Variants in RALGAPA2 observed in about 807,000 individuals in gnomAD.
RALGAPA2 encodes the protein ral GTPase-activating protein subunit alpha-2.
Under a neutral mutation model 230.4 loss-of-function variants are expected in RALGAPA2, and 139 were observed. The ratio of observed to expected loss-of-function variants is 0.60; its 90% CI spans 0.53 to 0.69. The LOEUF (loss-of-function observed/expected upper bound fraction) is 0.69. Ranked by LOEUF, RALGAPA2 falls within the 30% of genes least tolerant of loss-of-function variation. RALGAPA2 has a pLI of 0.00. For missense variants in RALGAPA2, 2,163 were observed against 2,276.0 expected (o/e 0.95, Z 1.01); for synonymous variants, 847 against 837.8 (o/e 1.01, Z -0.19).
At chr20:20,581,046 T>C (rs1337549106) in intron 20 of RALGAPA2, among the ~76,000 whole-genome samples, 1 of 152,218 alleles carries the variant, frequency 6.6e-6, no homozygotes, top group East Asian at 1.9e-4. Context: ...TTACAGTTTG[T>C]CCTTTTCACA....
At chr20:20,557,837 G>A (rs1466687255) in intron 23 of RALGAPA2, among the ~76,000 whole-genome samples, 5 of 151,992 alleles carry the variant, frequency 3.3e-5, no homozygotes, top group Non-Finnish European at 2.9e-5. Flanking sequence ...CACGGAGAAC[G>A]GCATCAATCA....
chr20:20,402,717 C>T (rs1050331146), intron 38 of RALGAPA2, among the ~76,000 whole-genome samples: 4 of 152,210 alleles, frequency 2.6e-5, no homozygotes, highest in African/African-American at 9.6e-5. Flanking sequence ...GAATACATGG[C>T]GAGTAAACTG....
chr20:20,655,513 T>A (rs1406980546), intron 3 of RALGAPA2, among the ~76,000 whole-genome samples: 1 of 151,678 alleles, frequency 6.6e-6, no homozygotes, highest in East Asian at 1.9e-4. Context: ...CATGGGAGAA[T>A]GTTAGAAGGC....
chr20:20,569,714 A>G (rs899954662), intron 23 of RALGAPA2, among the ~76,000 whole-genome samples: 2 of 152,084 alleles, frequency 1.3e-5, no homozygotes, highest in African/African-American at 4.8e-5. Context: ...TTACTGTTTC[A>G]TTTCCACATC....
chr20:20,396,725 G>C lies in RALGAPA2; in HGVS notation c.*5C>G. ...TCAAATATTGAAATGAGACCTTTAC[G>C]TGTTTTAATCTGAAGGGAAAGAACA... On this transcript the variant is annotated 3_prime_UTR_variant, in exon 39 of 40. Transcript: ENST00000202677. 3 of 1,609,404 alleles carry C rather than the reference G, an allele frequency of 1.9e-6. No individual in the cohort carries two copies. Among genetic ancestry groups the C allele is most frequent in the Non-Finnish European group, 2.6e-6 (3 of 1,176,100 alleles).
At chr20:20,706,249 C>G (rs145079022) in intron 1 of RALGAPA2, among the ~76,000 whole-genome samples, 119 of 152,308 alleles carry the variant, frequency 7.8e-4, no homozygotes, top group African/African-American at 2.8e-3. Context: ...GAAGTCTAGA[C>G]AACCTCAAGC....
In RALGAPA2 at chr20:20,398,127, C is replaced by T. The variant is rs764623929; in HGVS notation, c.5618-1393G>A. 2.0e-5 allele frequency among the ~76,000 whole-genome samples: 3 copies of T among 152,270 alleles called. No homozygotes were observed. Among genetic ancestry groups the T allele is most frequent in the East Asian group, 1.9e-4 (1 of 5,180 alleles). On this transcript the variant is annotated intron_variant, in intron 38 of 39. Coordinates refer to ENST00000202677, the MANE Select transcript of RALGAPA2 (RefSeq NM_020343.4). This position sits in a 1 kb window ranked among gnomAD's most constrained non-coding sequence, Gnocchi z 4.5. ...AGAGGGCAAACATAGAGCATATCTG[C>T]GTGGGTCTTCCTTGAGTTGAGGAAG...
intron 37 of RALGAPA2, among the ~76,000 whole-genome samples, chr20:20,447,028 T>C (rs956022906): frequency 1.3e-5 from 2 of 152,240 alleles, no homozygotes; most frequent in East Asian, 3.8e-4. Context: ...ATCTTGCTTG[T>C]AGATTTCAAC....
At chr20:20,514,369 G>A (rs1318883949) in intron 31 of RALGAPA2, among the ~76,000 whole-genome samples, 1 of 152,052 alleles carries the variant, frequency 6.6e-6, no homozygotes, top group African/African-American at 2.4e-5. Flanking sequence ...GCCCCTCTCT[G>A]CTTCATGCTT....
At chr20:20,566,291 G>A (rs897777951) in intron 23 of RALGAPA2, among the ~76,000 whole-genome samples, 19 of 152,158 alleles carry the variant, frequency 1.2e-4, no homozygotes, top group African/African-American at 4.1e-4. Flanking sequence ...TCATTGGGTG[G>A]GGTGAAAAGT....
intron 37 of RALGAPA2, among the ~76,000 whole-genome samples, chr20:20,454,708 A>C (rs1391679377): frequency 1.3e-5 from 2 of 152,176 alleles, no homozygotes; most frequent in Non-Finnish European, 2.9e-5. Context: ...GGAAAGACAG[A>C]TCTTCACTCT....
chr20:20,614,458 T>G (rs181599020), intron 13 of RALGAPA2, among the ~76,000 whole-genome samples: 84 of 152,292 alleles, frequency 5.5e-4, no homozygotes, highest in African/African-American at 2.0e-3. Context: ...GAACAGATAT[T>G]TCAGTTGAAA....
intron 10 of RALGAPA2, among the ~76,000 whole-genome samples, chr20:20,622,013 C>T (rs891892315): frequency 2.0e-5 from 3 of 152,074 alleles, no homozygotes; most frequent in Non-Finnish European, 2.9e-5. Context: ...AAGCTTCATG[C>T]AATATATCAA....
At position 20,533,338 on chromosome 20, in the gene RALGAPA2, T is replaced by C. The variant is rs114889257; in HGVS notation, c.3474-1543A>G. Among the ~76,000 whole-genome samples the C allele has an allele frequency of 5.0e-3, 758 of 152,020 alleles. 7 individuals are homozygous for C. Among genetic ancestry groups the C allele is most frequent in the African/African-American group, 0.017 (709 of 41,516 alleles). ...CTATAAAAAGGTTAATTAAAAAGAA[T>C]AGAAAGTATTATTTAACTAAACCAG... On this transcript the variant is annotated intron_variant, in intron 26 of 39. Transcript: ENST00000202677.
intron 1 of RALGAPA2, among the ~76,000 whole-genome samples, chr20:20,689,350 A>G (rs1054165407): frequency 1.3e-5 from 2 of 152,236 alleles, no homozygotes; most frequent in African/African-American, 4.8e-5. Context: ...ACACTTTCTA[A>G]AAAATAAAAT....
intron 3 of RALGAPA2, among the ~76,000 whole-genome samples, chr20:20,671,085 G>A (rs1603230404): frequency 6.6e-6 from 1 of 152,206 alleles, no homozygotes; most frequent in East Asian, 1.9e-4. Context: ...CCACTAGAGA[G>A]GAAGGCAGGC....
intron 37 of RALGAPA2, among the ~76,000 whole-genome samples, chr20:20,423,563 G>T (rs969740862): frequency 6.6e-6 from 1 of 152,192 alleles, no homozygotes; most frequent in African/African-American, 2.4e-5. Flanking sequence ...CCACAGGTGG[G>T]CTCAGGTCGC....
intron 35 of RALGAPA2, among the ~76,000 whole-genome samples, chr20:20,500,040 T>C (rs1164191233): frequency 1.3e-5 from 2 of 152,226 alleles, no homozygotes; most frequent in African/African-American, 2.4e-5. Flanking sequence ...TTTCTTACCA[T>C]ATGTATATTA....
At chr20:20,409,851 G>A (rs1270576052) in intron 38 of RALGAPA2, among the ~76,000 whole-genome samples, 2 of 152,252 alleles carry the variant, frequency 1.3e-5, no homozygotes, top group Admixed American at 6.5e-5. Context: ...CCTACTCAGC[G>A]TTATGAGAAG....
Sources: allele counts gnomAD v4.1 joint callset (sites outside exome capture counted in the v4.1 genomes callset), GRCh38; gene constraint gnomAD v4.1.1; non-coding constraint Gnocchi (gnomAD v3.1); transcripts MANE v1.5; gene names NCBI Gene and HGNC (gene_info 2026-07-23, HGNC 2026-07-21).